APOOL: variants seen among roughly 807,000 people sequenced by gnomAD.
APOOL encodes the protein MICOS complex subunit MIC27.
A neutral mutation model predicts 23.1 loss-of-function variants in APOOL; 12 were observed. The ratio of observed to expected loss-of-function variants is 0.52; its 90% CI spans 0.33 to 0.84. APOOL has a LOEUF of 0.84. Ranked by LOEUF, APOOL falls within the 40% of genes least tolerant of loss-of-function variation. The pLI, the probability that APOOL is intolerant of heterozygous loss-of-function variation, is 0.02. For missense variants in APOOL, 212 were observed against 199.6 expected (o/e 1.06, Z -0.37); for synonymous variants, 77 against 69.9 (o/e 1.10, Z -0.51).
chrX:85,043,679 C>A lies in APOOL; in HGVS notation c.16-2767C>A, dbSNP rs151247462. ...CAGTATAACTTAGACTTGTAGATAC[C>A]CTAGTGTGCCAGTCTTCCTGATTTC... On this transcript the variant is annotated intron_variant, in intron 1 of 8. Transcript: ENST00000373173. 5.1e-3 allele frequency among the ~76,000 whole-genome samples: 569 copies of A among 110,795 alleles called. 2 individuals are homozygous for A. Among genetic ancestry groups the A allele is most frequent in the Middle Eastern group, 0.028 (6 of 217 alleles).
chrX:85,084,050 A>G (rs1234602082), intron 8 of APOOL, among the ~76,000 whole-genome samples: 1 of 110,593 alleles, frequency 9.0e-6, no homozygotes, highest in East Asian at 2.8e-4. Flanking sequence ...TGGGAGTGTA[A>G]GAGAGCCCTT....
intron 6 of APOOL, 126 bp downstream of exon 6, chrX:85,067,344 T>C (rs932306918): frequency 1.6e-5 from 7 of 427,270 alleles, no homozygotes; most frequent in Admixed American, 1.2e-4. Flanking sequence ...TCAACTCTTA[T>C]GTTGGCCAAA....
intron 1 of APOOL, among the ~76,000 whole-genome samples, chrX:85,014,018 A>C (rs147467315): frequency 3.6e-5 from 4 of 111,340 alleles, no homozygotes; most frequent in African/African-American, 1.3e-4. Flanking sequence ...TTAGGTACAT[A>C]TGTGTTTAAG....
chrX:85,061,502 A>G (rs1232905150), intron 5 of APOOL, among the ~76,000 whole-genome samples: 3 of 111,942 alleles, frequency 2.7e-5, no homozygotes, highest in African/African-American at 6.5e-5. Flanking sequence ...CTGTGAATCC[A>G]TCTGGTCCTG....
chrX:85,087,819 C>A lies in APOOL; in HGVS notation c.*141C>A. 1 of 466,373 alleles carries A rather than the reference C, an allele frequency of 2.1e-6. No homozygotes were observed. Among genetic ancestry groups the A allele is most frequent in the Non-Finnish European group, 3.4e-6 (1 of 290,788 alleles). 38.4% of individuals were successfully genotyped at this position (466,373 alleles called of 1,213,427 possible). On this transcript the variant is annotated 3_prime_UTR_variant, in exon 9 of 9. Coordinates refer to ENST00000373173, the MANE Select transcript of APOOL (RefSeq NM_198450.6). The stretch of plus-strand genomic sequence containing the variant: ...TTTCTCCCTTACATTTCCAAATATG[C>A]CATTTGATAAATTACATAAGTGGTT...
chrX:85,016,922 T>C (rs1302436993), intron 1 of APOOL, among the ~76,000 whole-genome samples: 3 of 112,367 alleles, frequency 2.7e-5, no homozygotes, highest in Non-Finnish European at 5.6e-5. Flanking sequence ...TGTAATGGCC[T>C]GAGATAATTG....
chrX:85,039,076 G>C (rs1249436710), intron 1 of APOOL, among the ~76,000 whole-genome samples: 1 of 110,839 alleles, frequency 9.0e-6, no homozygotes, highest in East Asian at 2.8e-4. Flanking sequence ...TGCTTTAGCT[G>C]TGTCCCAGGG....
At chrX:85,033,899 A>C (rs2147484701) in intron 1 of APOOL, among the ~76,000 whole-genome samples, 1 of 110,732 alleles carries the variant, frequency 9.0e-6, no homozygotes, top group Non-Finnish European at 1.9e-5. Flanking sequence ...TTATTTCTTA[A>C]CTCTTCTATT....
chrX:85,062,344 T>G (rs1178048247), intron 5 of APOOL, among the ~76,000 whole-genome samples: 2 of 112,010 alleles, frequency 1.8e-5, no homozygotes, highest in Admixed American at 9.5e-5. Context: ...TGATGGTTCC[T>G]TTTGCTATGC....
chrX:85,086,787 C>T (rs1216672033), intron 8 of APOOL, among the ~76,000 whole-genome samples: 2 of 74,470 alleles, frequency 2.7e-5, no homozygotes, highest in Non-Finnish European at 5.1e-5. Context: ...GCAAGCTCCG[C>T]TTCCCGGGTT....
chrX:85,020,844 C>T (rs1170961432), intron 1 of APOOL, among the ~76,000 whole-genome samples: 1 of 111,825 alleles, frequency 8.9e-6, no homozygotes, highest in Admixed American at 9.4e-5. Flanking sequence ...TGGTATCAGG[C>T]AGGACCCTCT....
chrX:85,076,895 G>A (rs1428866685), intron 8 of APOOL, among the ~76,000 whole-genome samples: 1 of 106,073 alleles, frequency 9.4e-6, no homozygotes, highest in African/African-American at 3.4e-5. Context: ...ATCTCTCACA[G>A]TCTTGCAAGA....
At chrX:85,056,930 T>C (rs1162018913) in intron 5 of APOOL, among the ~76,000 whole-genome samples, 2 of 111,436 alleles carry the variant, frequency 1.8e-5, no homozygotes, top group Non-Finnish European at 3.8e-5. Context: ...CCAGAAACAC[T>C]GATCTGTTCT....
At chrX:85,014,144 C>G in intron 1 of APOOL, among the ~76,000 whole-genome samples, 1 of 111,492 alleles carries the variant, frequency 9.0e-6, no homozygotes, top group Middle Eastern at 4.2e-3. Context: ...GTAGCTACTC[C>G]TGCTCACTTT....
At chrX:85,082,658 A>G (rs1024451761) in intron 8 of APOOL, among the ~76,000 whole-genome samples, 5 of 112,162 alleles carry the variant, frequency 4.5e-5, no homozygotes, top group Non-Finnish European at 7.5e-5. Flanking sequence ...ATTAGAACAT[A>G]CCCACACACA....
chrX:85,066,631 G>A (rs1194446144), intron 5 of APOOL, among the ~76,000 whole-genome samples: 1 of 110,957 alleles, frequency 9.0e-6, no homozygotes, highest in Admixed American at 9.7e-5. Context: ...GTGACATGAA[G>A]GAGTTATGTA....
intron 1 of APOOL, among the ~76,000 whole-genome samples, chrX:85,010,192 G>A (rs1223206843): frequency 4.5e-5 from 5 of 111,502 alleles, no homozygotes; most frequent in African/African-American, 9.8e-5. Context: ...AGCATTTACC[G>A]TCGTCAATGT....
At chrX:85,087,464 C>T (rs757199405) in intron 8 of APOOL, 126 bp from the exon 9 acceptor site, 2 of 510,726 alleles carry the variant, frequency 3.9e-6, no homozygotes, top group East Asian at 7.6e-5. Flanking sequence ...GTCTGTCTCA[C>T]CTAACTCAAA....
At chrX:85,062,114 T>TTTC (rs1923251037) in intron 5 of APOOL, among the ~76,000 whole-genome samples, 4 of 112,136 alleles carry the variant, frequency 3.6e-5, no homozygotes, top group African/African-American at 1.3e-4. Flanking sequence ...AACATCTTTA[T>TTTC]TTCTGCCTTC....
Sources: gnomAD v4.1 joint callset for allele counts (sites outside exome capture counted in the v4.1 genomes callset) on GRCh38, gnomAD v4.1.1 for gene constraint, MANE v1.5 for transcripts, NCBI Gene and HGNC (gene_info 2026-07-23, HGNC 2026-07-21) for gene names.